The following SMU1 variants were observed in gnomAD, a reference collection of about 807,000 sequenced individuals.
The protein encoded by SMU1 is SMU1 DNA replication regulator and spliceosomal factor, also known as WD40 repeat-containing protein SMU1.
SMU1 carries 2 observed loss-of-function variants against 62.0 expected under a neutral mutation model. That is an observed-to-expected ratio of 0.03 (90% CI 0.01 to 0.10). The LOEUF (loss-of-function observed/expected upper bound fraction) is 0.10, where lower values mean the gene tolerates loss of function less well. SMU1 is among the 10% of genes least tolerant of loss of function. SMU1 has a pLI of 1.00. For synonymous variants in SMU1, 188 were observed against 212.4 expected (o/e 0.89, Z 1.00); for missense variants, 227 against 622.1 (o/e 0.36, Z 6.76).
chr9:33,066,159 G>A (rs1030997754), intron 4 of SMU1, among the ~76,000 whole-genome samples: 1 of 152,040 alleles, frequency 6.6e-6, no homozygotes, highest in Non-Finnish European at 1.5e-5. Flanking sequence ...TACCATAGCA[G>A]AGAGCTCTAA....
chr9:33,056,231 C>G lies in SMU1; in HGVS notation c.1004G>C (p.Gly335Ala). ...CTTCAGGGTTTTCCCAGATTTTAAACCATGAATTCTACCAAATGAAAGTAA... is the reference window on the plus strand; with the variant it reads ...CTTCAGGGTTTTCCCAGATTTTAAAGCATGAATTCTACCAAATGAAAGTAA... ...ASFDQTIRIH[G>A]LKSGKTLKEF... The change falls in exon 9 of 12, where the codon GGT becomes GCT. Residue 335 changes from glycine (G) to alanine (A), a missense_variant. Physicochemically the swap from Gly to Ala is moderately conservative, Grantham distance 60. This residue lies in a region of SMU1 where 98 missense variants were observed against 195.9 expected (regional missense o/e 0.50). Transcript: ENST00000397149. 6.2e-7 allele frequency: 1 copy of G among 1,610,918 alleles called. No individual in the cohort carries two copies. The highest frequency in any genetic ancestry group is 8.5e-7 in the Non-Finnish European group (1 of 1,178,330).
intron 4 of SMU1, among the ~76,000 whole-genome samples, chr9:33,067,969 A>T (rs1839441539): frequency 6.6e-6 from 1 of 152,230 alleles, no homozygotes; most frequent in South Asian, 2.1e-4. Flanking sequence ...CTTTATAATA[A>T]TGACCATGCT....
rs956653259 is a variant in SMU1 at position 33,060,078 on chromosome 9, T to C, written c.750+387A>G. 2.5e-4 allele frequency among the ~76,000 whole-genome samples: 38 copies of C among 152,162 alleles called. 4 individuals are homozygous for C. Reference sequence around the variant, plus strand: ...AGGCTAGAATGCAGTAGCATAATCATGGCTCACTGCAACCTCAAACTCCTG... The same window carrying C: ...AGGCTAGAATGCAGTAGCATAATCACGGCTCACTGCAACCTCAAACTCCTG... On this transcript the variant is annotated intron_variant, in intron 6 of 11. Coordinates refer to ENST00000397149, the MANE Select transcript of SMU1 (RefSeq NM_018225.3).
intron 5 of SMU1, 58 bp from the exon 6 acceptor site, chr9:33,060,642 T>G: frequency 6.3e-7 from 1 of 1,598,150 alleles, no homozygotes; most frequent in South Asian, 1.1e-5. Flanking sequence ...TTAAAACAAT[T>G]CCTTTTTTAA....
intron 9 of SMU1, among the ~76,000 whole-genome samples, 160 bp downstream of exon 9, chr9:33,055,953 C>T (rs1022095523): frequency 6.6e-6 from 1 of 152,210 alleles, no homozygotes; most frequent in African/African-American, 2.4e-5. Context: ...GAATTACCCA[C>T]AGAATACTGT....
intron 4 of SMU1, among the ~76,000 whole-genome samples, chr9:33,067,768 G>A (rs1434055514): frequency 6.6e-6 from 1 of 151,880 alleles, no homozygotes; most frequent in African/African-American, 2.4e-5. Flanking sequence ...CAAAGTGCTG[G>A]GATTACAGGC....
chr9:33,060,438 A>G (rs749431431), intron 6 of SMU1, 27 bp downstream of exon 6: 23 of 1,575,146 alleles, frequency 1.5e-5, no homozygotes, highest in Non-Finnish European at 4.3e-6. Context: ...TTCCACTAGG[A>G]AGGTTAACAC....
chr9:33,047,621 G>A (rs1247903965), intron 11 of SMU1, among the ~76,000 whole-genome samples: 2 of 152,152 alleles, frequency 1.3e-5, no homozygotes, highest in African/African-American at 4.8e-5. Flanking sequence ...ACTTTGGGAG[G>A]CAGAGGCGGG....
At chr9:33,068,194 G>A (rs746096400) in intron 4 of SMU1, among the ~76,000 whole-genome samples, 7 of 152,174 alleles carry the variant, frequency 4.6e-5, no homozygotes, top group Non-Finnish European at 8.8e-5. Flanking sequence ...ACTAGGATGG[G>A]CATTTGTTCC....
chr9:33,055,113 G>A (rs1018203717), intron 9 of SMU1, among the ~76,000 whole-genome samples: 5 of 152,100 alleles, frequency 3.3e-5, no homozygotes, highest in Non-Finnish European at 5.9e-5. Flanking sequence ...TTTCCAGTTC[G>A]ATTTCCAATC....
intron 6 of SMU1, among the ~76,000 whole-genome samples, chr9:33,058,770 T>A (rs1167387216): frequency 6.6e-6 from 1 of 151,906 alleles, no homozygotes; most frequent in East Asian, 1.9e-4. Flanking sequence ...TAGAAGAAAC[T>A]GTAGGAAAAA....
intron 3 of SMU1, among the ~76,000 whole-genome samples, chr9:33,070,058 G>A (rs1340926900): frequency 6.6e-6 from 1 of 152,112 alleles, no homozygotes; most frequent in Non-Finnish European, 1.5e-5. Context: ...CCAGGAAGCG[G>A]AGGCTGCAGT....
intron 4 of SMU1, among the ~76,000 whole-genome samples, chr9:33,064,490 C>A (rs1839397076): frequency 6.6e-6 from 1 of 152,100 alleles, no homozygotes; most frequent in Admixed American, 6.6e-5. Flanking sequence ...AAGTCAGTGT[C>A]CCAACATCAT....
chr9:33,053,421 T>C, intron 9 of SMU1, 131 bp from the exon 10 acceptor site: 1 of 911,550 alleles, frequency 1.1e-6, no homozygotes, highest in Non-Finnish European at 1.6e-6. Flanking sequence ...TCTTACTTGA[T>C]TTTAGGTCCA....
rs1839156439 is a variant in SMU1, at chr9:33,044,161, A to G, written c.*3132T>C. The G allele has an allele frequency of 1.3e-5, 2 of 152,424 alleles. No individual in the cohort carries two copies. The highest frequency in any genetic ancestry group is 6.5e-5 in the Admixed American group (1 of 15,294). The allele number at this position is 152,424 out of a possible 1,614,324, so 9.4% of individuals were successfully genotyped here. A position where few individuals can be genotyped will look rare whatever the true frequency, so the allele number is the denominator to read the frequency against. ...TCTATGTTAAGTGCTAGAGAGCAGC[A>G]TCCGTTAAATCTGGTGGCTGCAGCA... On this transcript the variant is annotated 3_prime_UTR_variant, in exon 12 of 12. Transcript: ENST00000397149.
chr9:33,051,351 G>A lies in SMU1; in HGVS notation c.1290+1772C>T, dbSNP rs139811697. Among the ~76,000 whole-genome samples the A allele has an allele frequency of 5.4e-3, 815 of 152,240 alleles. 5 individuals are homozygous for A. Among genetic ancestry groups the A allele is most frequent in the African/African-American group, 0.019 (786 of 41,534 alleles). On this transcript the variant is annotated intron_variant, in intron 10 of 11. Transcript: ENST00000397149. Reference sequence around the variant, plus strand: ...CAGAAAGGGCACAGAGAATTTCTGGGAAGTGAAACTACTCTGTACAATTCT... The same window carrying A: ...CAGAAAGGGCACAGAGAATTTCTGGAAAGTGAAACTACTCTGTACAATTCT...
chr9:33,061,313 T>C (rs896002334), intron 5 of SMU1, among the ~76,000 whole-genome samples: 1 of 152,226 alleles, frequency 6.6e-6, no homozygotes, highest in African/African-American at 2.4e-5. Flanking sequence ...TTTCTATTTG[T>C]CTCAAGGTTT....
At chr9:33,074,453 A>T (rs532197419) in intron 1 of SMU1, among the ~76,000 whole-genome samples, 9 of 149,824 alleles carry the variant, frequency 6.0e-5, no homozygotes, top group African/African-American at 2.2e-4. Flanking sequence ...CACACACAAA[A>T]AAAAAAATTA....
chr9:33,073,833 A>G (rs1166471233), intron 1 of SMU1, 27 bp from the exon 2 acceptor site: 1 of 1,605,338 alleles, frequency 6.2e-7, no homozygotes, highest in Non-Finnish European at 8.5e-7. Context: ...CGTTCAGCTC[A>G]GGGATTCTCA....
Sources: gnomAD v4.1 joint callset for allele counts (sites outside exome capture counted in the v4.1 genomes callset) on GRCh38, gnomAD v4.1.1 for gene constraint, gnomAD v4.1.1 regional missense constraint, MANE v1.5 for transcripts, NCBI Gene and HGNC (gene_info 2026-07-23, HGNC 2026-07-21) for gene names.